MTA3: variants seen among roughly 807,000 people sequenced by gnomAD.
MTA3 encodes metastasis associated 1 family member 3.
Under a neutral mutation model 83.5 loss-of-function variants are expected in MTA3, and 34 were observed. The observed-to-expected ratio is 0.41, with a 90% CI of 0.31 to 0.54. The LOEUF (loss-of-function observed/expected upper bound fraction) is 0.54, where lower values mean the gene tolerates loss of function less well. MTA3 is among the 20% of genes least tolerant of loss of function. The probability of loss-of-function intolerance (pLI) is 0.33; values close to 1 mark genes in which losing one functional copy is unlikely to be tolerated. For synonymous variants in MTA3, 303 were observed against 252.7 expected, an observed-to-expected ratio of 1.20 and a Z score of -1.89; for missense variants, 761 against 726.4, an observed-to-expected ratio of 1.05 and a Z score of -0.55.
chr2:42,635,564 G>A (rs1259836667), intron 4 of MTA3, among the ~76,000 whole-genome samples: 1 of 151,988 alleles, frequency 6.6e-6, no homozygotes, highest in African/African-American at 2.4e-5. Flanking sequence ...GGAGATGGAG[G>A]CTGCAGTAAG....
At chr2:42,660,892 G>T (rs934305269) in intron 8 of MTA3, among the ~76,000 whole-genome samples, 1 of 152,126 alleles carries the variant, frequency 6.6e-6, no homozygotes, top group African/African-American at 2.4e-5. Flanking sequence ...GATTGCCCAG[G>T]CTGGTCTTGA....
intron 3 of MTA3, among the ~76,000 whole-genome samples, chr2:42,582,813 A>G (rs1679822912): frequency 6.6e-6 from 1 of 152,176 alleles, no homozygotes; most frequent in African/African-American, 2.4e-5. Context: ...ATTAACTCGT[A>G]GAAAATAAAT....
At chr2:42,695,317 T>C (rs1693283480) in intron 9 of MTA3, among the ~76,000 whole-genome samples, 1 of 152,076 alleles carries the variant, frequency 6.6e-6, no homozygotes, top group African/African-American at 2.4e-5. Flanking sequence ...ATGTGGATAT[T>C]TGCTTCATTA....
chr2:42,729,007 A>G (rs1286638285), intron 16 of MTA3, among the ~76,000 whole-genome samples: 1 of 145,122 alleles, frequency 6.9e-6, no homozygotes, highest in Non-Finnish European at 1.5e-5. Flanking sequence ...GCCTGTGGAT[A>G]TTACTCAAGA....
At chr2:42,670,744 CTA>C (rs34128430) in intron 8 of MTA3, among the ~76,000 whole-genome samples, 2,302 of 145,794 alleles carry the variant, frequency 0.016, 49 homozygotes, top group African/African-American at 0.052. Flanking sequence ...AACTCTAACA[CTA>C]TATATATATA....
intron 8 of MTA3, among the ~76,000 whole-genome samples, chr2:42,678,349 A>T (rs1040185613): frequency 1.1e-4 from 17 of 151,728 alleles, no homozygotes; most frequent in African/African-American, 3.6e-4. Context: ...TTATTTATTT[A>T]TTTTTTTTGA....
intron 2 of MTA3, among the ~76,000 whole-genome samples, chr2:42,530,918 C>G (rs1011926649): frequency 1.3e-5 from 2 of 152,156 alleles, no homozygotes; most frequent in African/African-American, 4.8e-5. Flanking sequence ...CAACCTCCAC[C>G]TCCCAGGTTT....
intron 16 of MTA3, among the ~76,000 whole-genome samples, chr2:42,744,881 C>T (rs909666830): frequency 7.2e-5 from 11 of 152,166 alleles, no homozygotes; most frequent in South Asian, 4.1e-4. Flanking sequence ...AATCTGTTCA[C>T]GTCCTCATGA....
intron 3 of MTA3, among the ~76,000 whole-genome samples, chr2:42,607,937 C>T (rs982595725): frequency 4.6e-5 from 7 of 152,030 alleles, no homozygotes; most frequent in South Asian, 4.2e-4. Flanking sequence ...GGTGACAGAG[C>T]GAGACTCCGT....
chr2:42,648,032 G>T (rs542896784), intron 6 of MTA3, among the ~76,000 whole-genome samples: 4 of 152,278 alleles, frequency 2.6e-5, no homozygotes, highest in African/African-American at 9.6e-5. Context: ...GCAGGGACAG[G>T]GTTTCGCCGT....
At chr2:42,514,682 C>A (rs373735236) in intron 2 of MTA3, among the ~76,000 whole-genome samples, 23 of 53,498 alleles carry the variant, frequency 4.3e-4, no homozygotes, top group Non-Finnish European at 6.5e-4. Context: ...CGCCCAGCCC[C>A]TTTTTTTTTT....
chr2:42,513,366 T>C lies in MTA3; in HGVS notation c.-141+18112T>C, dbSNP rs541908044. On this transcript the variant is annotated intron_variant, in intron 2 of 17. Coordinates refer to the MTA3 transcript ENST00000405592. ...TCACTGGGGTGGGTAGGTCAGTCTT[T>C]TCAGTTTGACAAATATCCTTGGAAC... 4.6e-5 allele frequency among the ~76,000 whole-genome samples: 7 copies of C among 152,268 alleles called. No individual in the cohort carries two copies. In the South Asian group the frequency reaches 1.5e-3, roughly 32 times the overall value.
intron 1 of MTA3, chr2:42,570,045 T>G (rs904002673): frequency 1.3e-5 from 2 of 156,130 alleles, no homozygotes; most frequent in Non-Finnish European, 2.8e-5. Flanking sequence ...GTCAATAGTT[T>G]TATGTGAGAA....
intron 16 of MTA3, among the ~76,000 whole-genome samples, chr2:42,723,958 G>A (rs1253201833): frequency 6.6e-6 from 1 of 152,070 alleles, no homozygotes; most frequent in South Asian, 2.1e-4. Context: ...GTGAGGGTGA[G>A]GAATTGAGTT....
At chr2:42,728,322 T>G (rs1309288294) in intron 16 of MTA3, among the ~76,000 whole-genome samples, 1 of 152,250 alleles carries the variant, frequency 6.6e-6, no homozygotes, top group African/African-American at 2.4e-5. Flanking sequence ...TACCACATTT[T>G]CTTTATCAAC....
chr2:42,702,472 A>G (rs1472823870), intron 11 of MTA3: 1 of 152,220 alleles, frequency 6.6e-6, no homozygotes, highest in East Asian at 1.9e-4. Context: ...TAACAGGTGA[A>G]TGGAATTGTG....
intron 14 of MTA3, among the ~76,000 whole-genome samples, chr2:42,718,029 T>G (rs557099669): frequency 1.3e-5 from 2 of 152,014 alleles, no homozygotes; most frequent in African/African-American, 4.8e-5. Flanking sequence ...ATGAGTGTGT[T>G]GGATGTGTAT....
chr2:42,740,622 G>C (rs1212105444), intron 16 of MTA3, among the ~76,000 whole-genome samples: 1 of 152,260 alleles, frequency 6.6e-6, no homozygotes, highest in East Asian at 1.9e-4. Flanking sequence ...TCATCTCCTT[G>C]TACATCTCCG....
intron 15 of MTA3, among the ~76,000 whole-genome samples, chr2:42,721,557 G>C (rs1667410540): frequency 6.6e-6 from 1 of 151,994 alleles, no homozygotes; most frequent in South Asian, 2.1e-4. Flanking sequence ...TCGAACTCCT[G>C]GACTCATGCA....
Sources: allele counts gnomAD v4.1 joint callset (sites outside exome capture counted in the v4.1 genomes callset), GRCh38; gene constraint gnomAD v4.1.1; transcripts MANE v1.5; gene names NCBI Gene and HGNC (gene_info 2026-07-23, HGNC 2026-07-21).